RASGEF1C: variants seen among roughly 807,000 people sequenced by gnomAD.
The protein encoded by RASGEF1C is ras-GEF domain-containing family member 1C.
In RASGEF1C, 27 loss-of-function variants were observed where a neutral mutation model predicts 58.1. The ratio of observed to expected loss-of-function variants is 0.46; its 90% CI spans 0.34 to 0.64. RASGEF1C has a LOEUF of 0.64. RASGEF1C is among the 30% of genes least tolerant of loss of function. The probability of loss-of-function intolerance (pLI) is 0.01; values close to 1 mark genes in which losing one functional copy is unlikely to be tolerated. For missense variants in RASGEF1C, 502 were observed against 605.1 expected, an observed-to-expected ratio of 0.83 and a Z score of 1.79; for synonymous variants, 243 against 246.3, an observed-to-expected ratio of 0.99 and a Z score of 0.13.
At chr5:180,136,580 G>A (rs1393069520) in intron 3 of RASGEF1C, 65 bp from the exon 4 acceptor site, 19 of 1,503,424 alleles carry the variant, frequency 1.3e-5, no homozygotes, top group East Asian at 5.0e-5. Context: ...GCCTCACTGC[G>A]CGTCCTTGCG....
intron 1 of RASGEF1C, among the ~76,000 whole-genome samples, chr5:180,149,078 C>CTTTTTTTTTTTTTTTTTT (rs1281032542): frequency 1.0e-5 from 1 of 97,150 alleles, no homozygotes. Context: ...TTTTTCTTTT[C>CTTTTTTTTTTTTTTTTTT]TTTTTTTTTC....
At chr5:180,135,574 C>T (rs1269170593) in intron 4 of RASGEF1C, among the ~76,000 whole-genome samples, 1 of 152,210 alleles carries the variant, frequency 6.6e-6, no homozygotes, top group Non-Finnish European at 1.5e-5. Flanking sequence ...CACCAGGAGA[C>T]GTCTAGCTCC....
chr5:180,141,217 G>C (rs1431053655), intron 1 of RASGEF1C, among the ~76,000 whole-genome samples: 1 of 152,202 alleles, frequency 6.6e-6, no homozygotes, highest in African/African-American at 2.4e-5. Flanking sequence ...TTCCATGGCA[G>C]GGCAGGGCTG....
At chr5:180,135,369 T>G (rs11739942) in intron 4 of RASGEF1C, 136,203 of 152,166 alleles carry the variant, frequency 0.9, 62,045 homozygotes, top group Non-Finnish European at 0.98. Flanking sequence ...GTTTTCCCTT[T>G]TCTCACACAC....
intron 1 of RASGEF1C, among the ~76,000 whole-genome samples, chr5:180,173,731 G>A (rs189342395): frequency 1.8e-4 from 27 of 152,218 alleles, no homozygotes; most frequent in Non-Finnish European, 2.2e-4. Context: ...TGGCCAACAT[G>A]GTGAAACCCC....
chr5:180,173,943 G>A (rs755729798), intron 1 of RASGEF1C, among the ~76,000 whole-genome samples: 3 of 150,702 alleles, frequency 2.0e-5, no homozygotes, highest in Non-Finnish European at 3.0e-5. Flanking sequence ...AAAAACCTGC[G>A]CAATTTTTCA....
Position 180,101,360 on chromosome 5 carries a change from G to A in RASGEF1C, c.*141C>T, listed in dbSNP as rs1375713181. On this transcript the variant is annotated 3_prime_UTR_variant, in exon 14 of 14. Transcript: ENST00000361132. ...GCCCGTATGGCCACTGTGGGGGGGG[G>A]GGGGGCGGGCAGCAGGCCACAGGGT... 2 of 943,606 alleles carry A rather than the reference G, an allele frequency of 2.1e-6. No individual in the cohort carries two copies. The highest frequency in any genetic ancestry group is 3.2e-6 in the Non-Finnish European group (2 of 627,882). 58.5% of individuals were successfully genotyped at this position (943,606 alleles called of 1,614,324 possible). A position where few individuals can be genotyped will look rare whatever the true frequency, so the allele number is the denominator to read the frequency against.
At chr5:180,125,740 C>T (rs550829207) in intron 6 of RASGEF1C, among the ~76,000 whole-genome samples, 5 of 152,104 alleles carry the variant, frequency 3.3e-5, no homozygotes, top group African/African-American at 1.2e-4. Context: ...CGAGATCGCA[C>T]CACTGCACTC....
At chr5:180,191,505 C>T (rs971034578) in intron 1 of RASGEF1C, among the ~76,000 whole-genome samples, 8 of 152,216 alleles carry the variant, frequency 5.3e-5, no homozygotes, top group Admixed American at 1.3e-4. Context: ...TACAGGCGCC[C>T]GCCACCACGG....
Position 180,118,702 on chromosome 5 carries a change from G to A in RASGEF1C, c.990C>T (p.His330=). The part of the protein sequence containing the change: ...VRTAKFFILE[H]QMDPTGNFCN... Reference sequence around the variant, plus strand: ...AGAAATTCCCCGTTGGGTCCATCTGGTGCTGGAAGGAGACAGGGAGGCATG... The same window carrying A: ...AGAAATTCCCCGTTGGGTCCATCTGATGCTGGAAGGAGACAGGGAGGCATG... Residue 330 remains histidine (H), a splice_region_variant and synonymous_variant, in exon 10 of 14, where the codon CAC becomes CAT. Transcript: ENST00000361132. 1.2e-6 allele frequency: 2 copies of A among 1,614,178 alleles called. No individual in the cohort carries two copies. The highest frequency in any genetic ancestry group is 1.7e-6 in the Non-Finnish European group (2 of 1,180,012).
rs183887973 is a variant in RASGEF1C, at chr5:180,189,320, A to C, written c.-7+19708T>G. On this transcript the variant is annotated intron_variant, in intron 1 of 13. Coordinates refer to ENST00000361132, the MANE Select transcript of RASGEF1C (RefSeq NM_175062.4). ...TAAGTGTCTGTGGGTTAGAAAACTC[A>C]GTTTTATAAGATGTCAGTTTTCCCA... Among the ~76,000 whole-genome samples, 530 of 152,354 alleles carry C rather than the reference A, an allele frequency of 3.5e-3. 3 individuals are homozygous for C. The highest frequency in any genetic ancestry group is 0.02 in the Middle Eastern group (6 of 294).
At chr5:180,193,201 G>A (rs541930489) in intron 1 of RASGEF1C, among the ~76,000 whole-genome samples, 5 of 114,952 alleles carry the variant, frequency 4.3e-5, no homozygotes, top group South Asian at 7.6e-4. Flanking sequence ...GACTACAGGT[G>A]CCCGCCACCG....
intron 1 of RASGEF1C, among the ~76,000 whole-genome samples, chr5:180,166,292 A>C (rs1411979186): frequency 6.6e-6 from 1 of 152,162 alleles, no homozygotes; most frequent in African/African-American, 2.4e-5. Flanking sequence ...CATACTTTAA[A>C]AATTCAAGAG....
chr5:180,175,963 G>A (rs1767218604), intron 1 of RASGEF1C, among the ~76,000 whole-genome samples: 1 of 152,244 alleles, frequency 6.6e-6, no homozygotes, highest in African/African-American at 2.4e-5. Flanking sequence ...ACTCCAGCCT[G>A]GGCGACAGAG....
Position 180,182,159 on chromosome 5 carries a change from C to T in RASGEF1C, c.-7+26869G>A, listed in dbSNP as rs190836357. 4.5e-3 allele frequency among the ~76,000 whole-genome samples: 604 copies of T among 134,466 alleles called. 9 individuals carry two copies. The highest frequency in any genetic ancestry group is 0.017 in the African/African-American group (583 of 34,224). The allele number at this position is 134,466 out of a possible 152,430, so 88.2% of individuals were successfully genotyped here. A position where few individuals can be genotyped will look rare whatever the true frequency, so the allele number is the denominator to read the frequency against. ...GGTGGAGCTTGCAGTGAGTCGAGATCGCGCCACTGAACTCCAGCCTGGGCA... is the reference window on the plus strand; with the variant it reads ...GGTGGAGCTTGCAGTGAGTCGAGATTGCGCCACTGAACTCCAGCCTGGGCA... On this transcript the variant is annotated intron_variant, in intron 1 of 13. Transcript: ENST00000361132.
rs115620513 is a variant in RASGEF1C at position 180,154,511 on chromosome 5, G to A, written c.-6-16453C>T. Among the ~76,000 whole-genome samples the A allele has an allele frequency of 6.6e-3, 999 of 152,030 alleles. 3 individuals are homozygous for A. Among genetic ancestry groups the A allele is most frequent in the Non-Finnish European group, 9.8e-3 (665 of 67,992 alleles). On this transcript the variant is annotated intron_variant, in intron 1 of 13. Transcript: ENST00000361132. ...ACCCACTTTACAGTTGAATAAACCCGGACCCTCAAGGGTAAAGTGGGGTGG... is the reference window on the plus strand; with the variant it reads ...ACCCACTTTACAGTTGAATAAACCCAGACCCTCAAGGGTAAAGTGGGGTGG...
rs1231143120 is a variant in RASGEF1C at position 180,137,499 on chromosome 5, A to G, written c.300+91T>C. Reference sequence around the variant, plus strand: ...CCACCTTGTCAGGAAAACGGGGACAATCATTGCCTCCCCGAGAGGCTGATG... The same window carrying G: ...CCACCTTGTCAGGAAAACGGGGACAGTCATTGCCTCCCCGAGAGGCTGATG... On this transcript the variant is annotated intron_variant, in intron 3 of 13. Coordinates refer to ENST00000361132, the MANE Select transcript of RASGEF1C (RefSeq NM_175062.4). This position sits in a 1 kb window ranked among gnomAD's most constrained non-coding sequence, Gnocchi z 4.1. The G allele has an allele frequency of 6.6e-7, 1 of 1,517,620 alleles. No individual in the cohort carries two copies. The highest frequency in any genetic ancestry group is 8.9e-7 in the Non-Finnish European group (1 of 1,124,342). 94.0% of individuals were successfully genotyped at this position (1,517,620 alleles called of 1,614,324 possible). A position where few individuals can be genotyped will look rare whatever the true frequency, so the allele number is the denominator to read the frequency against.
chr5:180,117,994 C>CAAAA (rs3078957), intron 10 of RASGEF1C, among the ~76,000 whole-genome samples: 52 of 108,636 alleles, frequency 4.8e-4, no homozygotes, highest in African/African-American at 1.8e-3. Context: ...ACTCCATCTC[C>CAAAA]AAAAAAAAAA....
intron 1 of RASGEF1C, among the ~76,000 whole-genome samples, chr5:180,169,730 G>A (rs1479481744): frequency 6.6e-6 from 1 of 152,018 alleles, no homozygotes; most frequent in Non-Finnish European, 1.5e-5. Flanking sequence ...CATTGGCTAC[G>A]TCACACAACC....
Sources: allele counts gnomAD v4.1 joint callset (sites outside exome capture counted in the v4.1 genomes callset), GRCh38; gene constraint gnomAD v4.1.1; non-coding constraint Gnocchi (gnomAD v3.1); transcripts MANE v1.5; gene names NCBI Gene and HGNC (gene_info 2026-07-23, HGNC 2026-07-21).